LNPEP: variants seen among roughly 807,000 people sequenced by gnomAD.
LNPEP encodes leucyl-cystinyl aminopeptidase.
A neutral mutation model predicts 120.6 loss-of-function variants in LNPEP; 64 were observed. The ratio of observed to expected loss-of-function variants is 0.53; its 90% CI spans 0.43 to 0.65. The LOEUF (loss-of-function observed/expected upper bound fraction) is 0.65. Among genes scored for constraint, LNPEP ranks in the 30% least tolerant of loss-of-function variants. The pLI is 0.00. For synonymous variants in LNPEP, 435 were observed against 425.4 expected, an observed-to-expected ratio of 1.02 and a Z score of -0.28; for missense variants, 1,057 against 1,200.0, an observed-to-expected ratio of 0.88 and a Z score of 1.76.
At chr5:97,007,546 T>C (rs977085024) in intron 11 of LNPEP, among the ~76,000 whole-genome samples, 2 of 152,218 alleles carry the variant, frequency 1.3e-5, no homozygotes, top group African/African-American at 4.8e-5. Flanking sequence ...AAATCTTTAA[T>C]ATATCTATAT....
intron 11 of LNPEP, among the ~76,000 whole-genome samples, chr5:97,007,245 G>T (rs1393190227): frequency 1.3e-5 from 2 of 152,124 alleles, no homozygotes; most frequent in Non-Finnish European, 2.9e-5. Context: ...ATTTGGATCT[G>T]GTGTCAAAGC....
rs952166566 is a variant in LNPEP, at chr5:97,022,296, C to G, written c.2377-4C>G. The G allele has an allele frequency of 7.7e-6, 12 of 1,551,390 alleles. No individual in the cohort carries two copies. Among genetic ancestry groups the G allele is most frequent in the Admixed American group, 1.7e-5 (1 of 57,650 alleles). ...AGCCATTATAATCTATTTTGTCTCTCTAGACTAGGGTATTTAAATTACTTC... is the reference window on the plus strand; with the variant it reads ...AGCCATTATAATCTATTTTGTCTCTGTAGACTAGGGTATTTAAATTACTTC... On this transcript the variant is annotated splice_region_variant and splice_polypyrimidine_tract_variant and intron_variant, in intron 13 of 17. Transcript: ENST00000231368.
intron 1 of LNPEP, among the ~76,000 whole-genome samples, chr5:96,963,295 T>G (rs1789649287): frequency 6.6e-6 from 1 of 152,182 alleles, no homozygotes; most frequent in African/African-American, 2.4e-5. Context: ...ATCATAAAAC[T>G]TAATGGCTTA....
intron 2 of LNPEP, among the ~76,000 whole-genome samples, chr5:96,981,332 G>T (rs1440704208): frequency 1.3e-5 from 2 of 152,004 alleles, no homozygotes; most frequent in Non-Finnish European, 2.9e-5. Context: ...ATCACTTGGG[G>T]GATTCATTTT....
intron 4 of LNPEP, among the ~76,000 whole-genome samples, chr5:96,988,265 A>G (rs948365681): frequency 3.3e-5 from 5 of 151,520 alleles, no homozygotes; most frequent in African/African-American, 4.9e-5. Context: ...AAATTCAGCA[A>G]TATTTCTTTT....
chr5:96,993,191 T>A, intron 5 of LNPEP, 56 bp downstream of exon 5: 2 of 1,335,564 alleles, frequency 1.5e-6, no homozygotes, highest in Non-Finnish European at 1.0e-6. Context: ...AGATTTATTT[T>A]GTGAATTTTT....
intron 4 of LNPEP, among the ~76,000 whole-genome samples, chr5:96,988,339 CTTTTTTTTTT>C (rs201343272): frequency 8.0e-6 from 1 of 125,236 alleles, no homozygotes; most frequent in African/African-American, 3.1e-5. Context: ...TTTTTCTTTT[CTTTTTTTTTT>C]TTTTTTGAGA....
Position 97,030,879 on chromosome 5 carries a change from C to G in LNPEP, c.*2346C>G, listed in dbSNP as rs1791456346. On this transcript the variant is annotated 3_prime_UTR_variant, in exon 18 of 18. Coordinates refer to ENST00000231368, the MANE Select transcript of LNPEP (RefSeq NM_005575.3). ...TTGCCTCAGTTTTTCCCACAGAATT[C>G]CATAATTTTAATGTTGAACTAACCC... 1 of 151,830 alleles carries G rather than the reference C, an allele frequency of 6.6e-6. No individual in the cohort carries two copies. Among genetic ancestry groups the G allele is most frequent in the African/African-American group, 2.4e-5 (1 of 41,328 alleles). The allele number at this position is 151,830 out of a possible 1,614,324, so 9.4% of individuals were successfully genotyped here. A position where few individuals can be genotyped will look rare whatever the true frequency, so the allele number is the denominator to read the frequency against.
chr5:97,023,806 AT>A (rs1223495802), intron 14 of LNPEP, among the ~76,000 whole-genome samples: 1 of 152,142 alleles, frequency 6.6e-6, no homozygotes, highest in Non-Finnish European at 1.5e-5. Flanking sequence ...GAACTGCCAT[AT>A]TGTTTTCTAC....
rs933992447 is a variant in LNPEP, at chr5:97,011,789, G to A, written c.2036-1859G>A. On this transcript the variant is annotated intron_variant, in intron 11 of 17. Coordinates refer to ENST00000231368, the MANE Select transcript of LNPEP (RefSeq NM_005575.3). ...TCAGCAATATAACAGAAATAAGTACGGAATTTTTTTAGTAAGAAAGACTGC... is the reference window on the plus strand; with the variant it reads ...TCAGCAATATAACAGAAATAAGTACAGAATTTTTTTAGTAAGAAAGACTGC... Among the ~76,000 whole-genome samples, 7 of 152,070 alleles carry A rather than the reference G, an allele frequency of 4.6e-5. No individual in the cohort carries two copies. The South Asian group carries it at 6.2e-4, about 13-fold the overall frequency.
At chr5:97,018,659 T>A (rs1355258372) in intron 13 of LNPEP, among the ~76,000 whole-genome samples, 2 of 152,208 alleles carry the variant, frequency 1.3e-5, no homozygotes, top group Admixed American at 6.5e-5. Context: ...CTAGGAAATC[T>A]GACATTCTAC....
In LNPEP at chr5:96,979,696, C is replaced by T; in HGVS notation, c.578C>T (p.Ser193Phe). 6.2e-7 allele frequency: 1 copy of T among 1,614,068 alleles called. No homozygotes were observed. Among genetic ancestry groups the T allele is most frequent in the Non-Finnish European group, 8.5e-7 (1 of 1,179,966 alleles). Residue 193 changes from serine to phenylalanine, a missense_variant, in exon 2 of 18, where the codon TCT becomes TTT. Coordinates refer to ENST00000231368, the MANE Select transcript of LNPEP (RefSeq NM_005575.3). ...CTAACCTCGATGACATTCAGGGGTT[C>T]TGTGACAATTTCAGTTCAGGCTCTT... ...PNLTSMTFRG[S>F]VTISVQALQV...
chr5:96,982,089 T>C (rs1790140752), intron 2 of LNPEP, among the ~76,000 whole-genome samples: 1 of 152,114 alleles, frequency 6.6e-6, no homozygotes, highest in African/African-American at 2.4e-5. Flanking sequence ...GATGTTAACA[T>C]TATATTCATT....
At position 96,958,973 on chromosome 5, in the gene LNPEP, C is replaced by T. The variant is rs183637826; in HGVS notation, c.20-20165C>T. ...CCTTCCGAGTAGGGATTACAGGCAC[C>T]GGCCACCATGCCCAGCTAATTTTTG... On this transcript the variant is annotated intron_variant, in intron 1 of 17. Transcript: ENST00000231368. Among the ~76,000 whole-genome samples, 1,213 of 151,926 alleles carry T rather than the reference C, an allele frequency of 8.0e-3. 5 individuals are homozygous for T. The highest frequency in any genetic ancestry group is 0.011 in the Non-Finnish European group (761 of 67,920).
rs1295208731 is a variant in LNPEP at position 97,032,998 on chromosome 5, G to C, written c.*4465G>C. 2.0e-5 allele frequency: 3 copies of C among 152,172 alleles called. No homozygotes were observed. The highest frequency in any genetic ancestry group is 7.2e-5 in the African/African-American group (3 of 41,436). The allele number at this position is 152,172 out of a possible 1,614,324, so 9.4% of individuals were successfully genotyped here. A position where few individuals can be genotyped will look rare whatever the true frequency, so the allele number is the denominator to read the frequency against. ...TACTTAATGAAAATTGAGGTTCAGA[G>C]TATGACAAATCTCTTTTCCCTTTTC... On this transcript the variant is annotated 3_prime_UTR_variant, in exon 18 of 18. Transcript: ENST00000231368.
intron 13 of LNPEP, among the ~76,000 whole-genome samples, chr5:97,021,207 A>G (rs1176701560): frequency 2.0e-5 from 3 of 151,192 alleles, no homozygotes; most frequent in Non-Finnish European, 4.4e-5. Flanking sequence ...GTATCTGTAT[A>G]TCACTTTTAT....
chr5:96,954,776 T>A (rs866624219), intron 1 of LNPEP, among the ~76,000 whole-genome samples: 848 of 48,888 alleles, frequency 0.017, 54 homozygotes, highest in African/African-American at 0.032. Context: ...ATATATATTT[T>A]TTTTTTTTTT....
chr5:96,980,055 A>C, intron 2 of LNPEP, 77 bp downstream of exon 2: 3 of 1,359,910 alleles, frequency 2.2e-6, no homozygotes, highest in Non-Finnish European at 3.0e-6. Context: ...TCCACACCAG[A>C]GACACGAATT....
At chr5:96,964,378 A>C (rs1241330550) in intron 1 of LNPEP, among the ~76,000 whole-genome samples, 1 of 151,820 alleles carries the variant, frequency 6.6e-6, no homozygotes, top group African/African-American at 2.4e-5. Flanking sequence ...ATAAATACCC[A>C]ACATACCGAC....
Sources: gnomAD v4.1 joint callset for allele counts (sites outside exome capture counted in the v4.1 genomes callset) on GRCh38, gnomAD v4.1.1 for gene constraint, MANE v1.5 for transcripts, NCBI Gene and HGNC (gene_info 2026-07-23, HGNC 2026-07-21) for gene names.